SMAD3: variants seen among roughly 807,000 people sequenced by gnomAD.
The protein encoded by SMAD3 is SMAD family member 3, also known as MAD homolog 3.
In SMAD3, 12 loss-of-function variants were observed where a neutral mutation model predicts 51.8. The observed-to-expected ratio is 0.23, with a 90% CI of 0.15 to 0.38. The LOEUF (loss-of-function observed/expected upper bound fraction) is 0.38, where lower values mean the gene tolerates loss of function less well. Among genes scored for constraint, SMAD3 ranks in the 10% least tolerant of loss-of-function variants. SMAD3 has a pLI of 1.00. For synonymous variants in SMAD3, 238 were observed against 227.7 expected (o/e 1.05, Z -0.41); for missense variants, 294 against 565.6 (o/e 0.52, Z 4.87).
intron 7 of SMAD3, chr15:67,187,096 G>T: frequency 1.6e-6 from 1 of 631,390 alleles, no homozygotes; most frequent in Middle Eastern, 2.5e-4. Flanking sequence ...CTGGGAGTCG[G>T]AGCTTGTGGG....
At chr15:67,163,095 T>C (rs1391782450) in intron 1 of SMAD3, among the ~76,000 whole-genome samples, 1 of 152,038 alleles carries the variant, frequency 6.6e-6, no homozygotes, top group Non-Finnish European at 1.5e-5. Context: ...TGCCTCAGCC[T>C]CCTGAGTAGC....
At chr15:67,165,629 C>T (rs935516522) in intron 3 of SMAD3, among the ~76,000 whole-genome samples, 3 of 152,236 alleles carry the variant, frequency 2.0e-5, no homozygotes, top group South Asian at 4.1e-4. Context: ...CCCTTCCGCC[C>T]GGCCTTGGTG....
intron 1 of SMAD3, among the ~76,000 whole-genome samples, chr15:67,118,509 T>G (rs1484314605): frequency 1.3e-5 from 2 of 152,228 alleles, no homozygotes; most frequent in African/African-American, 4.8e-5. Flanking sequence ...GTGTGTCATT[T>G]TTATACCAGA....
intron 1 of SMAD3, among the ~76,000 whole-genome samples, chr15:67,108,948 A>C (rs775548621): frequency 6.6e-6 from 1 of 152,222 alleles, no homozygotes; most frequent in Non-Finnish European, 1.5e-5. Context: ...ATGTATTATG[A>C]ATGTTACACA....
chr15:67,171,379 G>A (rs1426264418), intron 5 of SMAD3, among the ~76,000 whole-genome samples: 1 of 152,172 alleles, frequency 6.6e-6, no homozygotes, highest in East Asian at 1.9e-4. Context: ...ACCCAGTAGG[G>A]TCCTTCAGTT....
At position 67,090,738 on chromosome 15, in the gene SMAD3, C is replaced by T. The variant is rs189045575; in HGVS notation, c.206+24378C>T. ...AGATGCTTCTCCTTACTGCAGTTCC[C>T]CTCCCCAGCACTCCCATCTCCCTGT... On this transcript the variant is annotated intron_variant, in intron 1 of 8. Transcript: ENST00000327367. Among the ~76,000 whole-genome samples the T allele has an allele frequency of 2.6e-4, 39 of 152,242 alleles. 1 individual carries two copies. Among genetic ancestry groups the T allele is most frequent in the African/African-American group, 7.0e-4 (29 of 41,536 alleles).
chr15:67,114,512 C>G (rs2140237537), intron 1 of SMAD3, among the ~76,000 whole-genome samples: 2 of 152,278 alleles, frequency 1.3e-5, no homozygotes, highest in South Asian at 4.1e-4. Context: ...CAGTAGCATC[C>G]TTTCTTAAGA....
intron 5 of SMAD3, among the ~76,000 whole-genome samples, chr15:67,180,346 C>T (rs1041521544): frequency 6.6e-6 from 1 of 151,776 alleles, no homozygotes; most frequent in African/African-American, 2.4e-5. Flanking sequence ...GGCGAGGAGG[C>T]CCCAGGAAAT....
chr15:67,183,006 T>A (rs1245337695), intron 6 of SMAD3, among the ~76,000 whole-genome samples: 30 of 62,708 alleles, frequency 4.8e-4, no homozygotes, highest in African/African-American at 2.1e-3. Flanking sequence ...AAAAAATATA[T>A]ATATATATAT....
At chr15:67,120,140 G>C (rs1401887492) in intron 1 of SMAD3, among the ~76,000 whole-genome samples, 1 of 152,150 alleles carries the variant, frequency 6.6e-6, no homozygotes, top group African/African-American at 2.4e-5. Context: ...ACTAGGAGTG[G>C]ATTTCTAGGA....
chr15:67,072,799 C>T (rs1403302394), intron 1 of SMAD3, among the ~76,000 whole-genome samples: 1 of 152,208 alleles, frequency 6.6e-6, no homozygotes, highest in African/African-American at 2.4e-5. Context: ...CATCTTCAAG[C>T]ACAATGGTTC....
intron 1 of SMAD3, among the ~76,000 whole-genome samples, chr15:67,084,060 CTTTTTTTTTCTTTT>C (rs1221848057): frequency 1.9e-5 from 2 of 105,152 alleles, no homozygotes; most frequent in East Asian, 6.0e-4. Context: ...CTCAGATTTT[CTTTTTTTTTCTTTT>C]TTTTTTTTTT....
At chr15:67,176,503 C>T (rs1355807145) in intron 5 of SMAD3, among the ~76,000 whole-genome samples, 3 of 152,228 alleles carry the variant, frequency 2.0e-5, no homozygotes, top group South Asian at 2.1e-4. Flanking sequence ...TCCTTGCTTT[C>T]GATTTATAGG....
At chr15:67,171,138 G>A (rs1962740570) in intron 5 of SMAD3, among the ~76,000 whole-genome samples, 1 of 152,170 alleles carries the variant, frequency 6.6e-6, no homozygotes, top group Non-Finnish European at 1.5e-5. Flanking sequence ...CCTGATGTTT[G>A]TGCATCAGGC....
intron 1 of SMAD3, among the ~76,000 whole-genome samples, chr15:67,087,005 C>T (rs1294505342): frequency 4.0e-5 from 6 of 151,814 alleles, no homozygotes; most frequent in Admixed American, 1.3e-4. Context: ...AAGCGATTCT[C>T]GTGCCTCAGA....
At chr15:67,100,749 G>A (rs775862811) in intron 1 of SMAD3, among the ~76,000 whole-genome samples, 4 of 152,128 alleles carry the variant, frequency 2.6e-5, no homozygotes, top group Non-Finnish European at 5.9e-5. Context: ...ACATTTACGT[G>A]TACACTGAGG....
intron 1 of SMAD3, among the ~76,000 whole-genome samples, chr15:67,143,256 AG>A (rs1961881834): frequency 6.6e-6 from 1 of 152,228 alleles, no homozygotes. Flanking sequence ...TGAAATCTTT[AG>A]TGTACATATT....
At chr15:67,116,498 G>T (rs753519608) in intron 1 of SMAD3, among the ~76,000 whole-genome samples, 2 of 152,204 alleles carry the variant, frequency 1.3e-5, no homozygotes, top group Non-Finnish European at 2.9e-5. Flanking sequence ...GTGTGTGGAC[G>T]TTGTCTCAAT....
intron 1 of SMAD3, among the ~76,000 whole-genome samples, chr15:67,080,774 T>C (rs1359146262): frequency 6.6e-6 from 1 of 152,254 alleles, no homozygotes; most frequent in African/African-American, 2.4e-5. Context: ...AGCAAGCACG[T>C]GGCCCCGAAT....
Sources: allele counts gnomAD v4.1 joint callset (sites outside exome capture counted in the v4.1 genomes callset), GRCh38; gene constraint gnomAD v4.1.1; transcripts MANE v1.5; gene names NCBI Gene and HGNC (gene_info 2026-07-23, HGNC 2026-07-21).